The following RELCH variants were observed in gnomAD, a reference collection of about 807,000 sequenced individuals.
The protein encoded by RELCH is RAB11 binding and LisH domain, coiled-coil and HEAT repeat containing.
RELCH carries 41 observed loss-of-function variants against 150.3 expected under a neutral mutation model. That is an observed-to-expected ratio of 0.27 (90% CI 0.21 to 0.35). The LOEUF (loss-of-function observed/expected upper bound fraction) is 0.35. Ranked by LOEUF, RELCH falls within the 10% of genes least tolerant of loss-of-function variation. RELCH has a pLI of 1.00. For missense variants in RELCH, 1,092 were observed against 1,467.8 expected, an observed-to-expected ratio of 0.74 and a Z score of 4.18; for synonymous variants, 478 against 531.8, an observed-to-expected ratio of 0.90 and a Z score of 1.39.
chr18:62,234,084 T>C (rs1407936103), intron 10 of RELCH, among the ~76,000 whole-genome samples: 1 of 152,000 alleles, frequency 6.6e-6, no homozygotes, highest in Non-Finnish European at 1.5e-5. Flanking sequence ...TTGCCATTTA[T>C]AATAAAATGA....
chr18:62,258,533 G>T lies in RELCH; in HGVS notation c.2059G>T (p.Ala687Ser), dbSNP rs753928422. The T allele has an allele frequency of 2.9e-5, 46 of 1,607,014 alleles. No homozygotes were observed. The South Asian group carries it at 4.1e-4, about 14-fold the overall frequency. Residue 687 changes from alanine to serine, a missense_variant, in exon 15 of 29, where the codon GCC (alanine) becomes TCC (serine). This residue lies in a region of RELCH where 707 missense variants were observed against 1,025.4 expected (regional missense o/e 0.69). Coordinates refer to ENST00000644646, the MANE Select transcript of RELCH (RefSeq NM_001346231.2). The part of the protein sequence containing the change: ...YHQGFELLLS[A>S]LGDPSERVVS... ...ACAGGGTTTTGAATTGTTGCTGTCA[G>T]CCTTGGGTGATCCCTCAGAAAGAGT...
At chr18:62,297,118 T>G (rs1276753397) in intron 27 of RELCH, among the ~76,000 whole-genome samples, 3 of 152,224 alleles carry the variant, frequency 2.0e-5, no homozygotes, top group Non-Finnish European at 4.4e-5. Flanking sequence ...GAAGAGAGAC[T>G]GGAGCTTTAC....
In RELCH at chr18:62,271,347, G is replaced by A. The variant is rs188732243; in HGVS notation, c.2760+2399G>A. Among the ~76,000 whole-genome samples, 1,151 of 152,328 alleles carry A rather than the reference G, an allele frequency of 7.6e-3. 5 individuals carry two copies. The highest frequency in any genetic ancestry group is 0.013 in the Non-Finnish European group (866 of 68,030). On this transcript the variant is annotated intron_variant, in intron 20 of 28. Transcript: ENST00000644646. ...TTGCACTTCTCTGATGGCCAGTGAT[G>A]ATGAGCATTTTTCATGTGTCTGTTG... is the stretch of plus-strand genomic sequence containing the variant.
At position 62,260,231 on chromosome 18, in the gene RELCH, CT is replaced by C. The variant is rs1431045906; in HGVS notation, c.2203-1279del. On this transcript the variant is annotated intron_variant, in intron 15 of 28. Transcript: ENST00000644646. ...TCCAATTAAGGAATGGGCAAATGAT[CT>C]GAATAAACACTTCTCAAAAGAAGAC... 2.9e-5 allele frequency among the ~76,000 whole-genome samples: 4 copies of C among 139,688 alleles called. No homozygotes were observed. In the East Asian group the frequency reaches 8.7e-4, roughly 30 times the overall value. The allele number at this position is 139,688 out of a possible 152,430, so 91.6% of individuals were successfully genotyped here. A position where few individuals can be genotyped will look rare whatever the true frequency, so the allele number is the denominator to read the frequency against.
At chr18:62,292,444 C>A (rs941858812) in intron 27 of RELCH, among the ~76,000 whole-genome samples, 1 of 152,116 alleles carries the variant, frequency 6.6e-6, no homozygotes, top group Non-Finnish European at 1.5e-5. Flanking sequence ...CTCACCTTTT[C>A]ATTCATTAGA....
At position 62,191,422 on chromosome 18, in the gene RELCH, C is replaced by T. The variant is rs145554585; in HGVS notation, c.526+3391C>T. On this transcript the variant is annotated intron_variant, in intron 1 of 28. Transcript: ENST00000644646. ...GAAATGCCTATTCAATCTTTTGCAC[C>T]GTTTTTTTCACCTTCAACTTCCAGG... Among the ~76,000 whole-genome samples the T allele has an allele frequency of 2.3e-3, 345 of 152,150 alleles. 4 individuals carry two copies. Among genetic ancestry groups the T allele is most frequent in the African/African-American group, 7.9e-3 (329 of 41,510 alleles).
chr18:62,280,487 T>C (rs748612411), intron 23 of RELCH, 159 bp from the exon 24 acceptor site: 5 of 1,546,672 alleles, frequency 3.2e-6, no homozygotes, highest in Non-Finnish European at 4.5e-6. Flanking sequence ...GTCTGTCTTT[T>C]TGAGCATTCT....
At chr18:62,287,957 G>C (rs1035158073) in intron 26 of RELCH, among the ~76,000 whole-genome samples, 3 of 152,202 alleles carry the variant, frequency 2.0e-5, no homozygotes, top group Admixed American at 2.0e-4. Flanking sequence ...TTGTAGAACT[G>C]GGAGAAAACT....
chr18:62,281,836 G>T (rs1373619253), intron 24 of RELCH, among the ~76,000 whole-genome samples: 1 of 152,098 alleles, frequency 6.6e-6, no homozygotes, highest in Non-Finnish European at 1.5e-5. Flanking sequence ...TGCAAAGCTT[G>T]CAGTCTTGGC....
chr18:62,304,087 G>C (rs980187461), intron 28 of RELCH, among the ~76,000 whole-genome samples: 1 of 152,156 alleles, frequency 6.6e-6, no homozygotes, highest in Non-Finnish European at 1.5e-5. Flanking sequence ...CAAAAAGAGG[G>C]GGGAGTTAAA....
At chr18:62,254,393 A>G (rs1488761407) in intron 12 of RELCH, among the ~76,000 whole-genome samples, 1 of 151,972 alleles carries the variant, frequency 6.6e-6, no homozygotes, top group Non-Finnish European at 1.5e-5. Flanking sequence ...TTTTATTTTT[A>G]GTTTGTTCAT....
chr18:62,300,526 A>G (rs1323133376), intron 28 of RELCH: 3 of 152,230 alleles, frequency 2.0e-5, no homozygotes, highest in Admixed American at 2.0e-4. Context: ...GCAGATAAAG[A>G]TATCTGTATC....
intron 11 of RELCH, among the ~76,000 whole-genome samples, chr18:62,252,411 C>T (rs2042763867): frequency 6.6e-6 from 1 of 152,032 alleles, no homozygotes; most frequent in South Asian, 2.1e-4. Context: ...CCCAGCTACT[C>T]GAGAGGATGA....
At chr18:62,231,090 A>G (rs775001485) in intron 8 of RELCH, 104 bp from the exon 9 acceptor site, 150 of 731,510 alleles carry the variant, frequency 2.1e-4, no homozygotes, top group Middle Eastern at 7.8e-4. Flanking sequence ...TTTGTGGGGT[A>G]GGATTAATGC....
chr18:62,236,111 T>C (rs1599972650), intron 10 of RELCH, among the ~76,000 whole-genome samples: 2 of 151,996 alleles, frequency 1.3e-5, no homozygotes, highest in African/African-American at 4.8e-5. Context: ...CCCTTTGTCA[T>C]ATTAAAGAAG....
chr18:62,237,556 A>T (rs2041938829), intron 10 of RELCH, among the ~76,000 whole-genome samples: 1 of 151,810 alleles, frequency 6.6e-6, no homozygotes, highest in Non-Finnish European at 1.5e-5. Flanking sequence ...TACTTTTTAT[A>T]TCATGATATA....
At position 62,227,383 on chromosome 18, in the gene RELCH, G is replaced by A. The variant is rs199993973; in HGVS notation, c.953G>A (p.Gly318Glu). ...GATTTTGGAAATCATCAAGTAACTG[G>A]AAAAGATCTTGTAGATGTGGCCAGT... ...YRDFGNHQVT[G>E]KDLVDVASGV... Residue 318 changes from glycine to glutamate, a missense_variant, in exon 6 of 29, where the codon GGA becomes GAA. Physicochemically the swap from Gly to Glu is moderately conservative, Grantham distance 98 (BLOSUM62 -2). This residue lies in a region of RELCH where 57 missense variants were observed against 41.5 expected (regional missense o/e 1.37). Transcript: ENST00000644646. The A allele has an allele frequency of 1.1e-5, 17 of 1,612,816 alleles. 1 individual carries two copies. In the East Asian group the frequency reaches 3.8e-4, roughly 36 times the overall value.
intron 11 of RELCH, chr18:62,246,586 G>A (rs1457701747): frequency 6.6e-6 from 1 of 152,190 alleles, no homozygotes. Context: ...TGAAGGGCCT[G>A]AGAAAATTTT....
At chr18:62,195,389 A>G (rs781206126) in intron 1 of RELCH, among the ~76,000 whole-genome samples, 2 of 151,966 alleles carry the variant, frequency 1.3e-5, no homozygotes, top group Non-Finnish European at 2.9e-5. Flanking sequence ...TTGCAAGATA[A>G]AAATTGTGGT....
Sources: gnomAD v4.1 joint callset for allele counts (sites outside exome capture counted in the v4.1 genomes callset) on GRCh38, gnomAD v4.1.1 for gene constraint, gnomAD v4.1.1 regional missense constraint, MANE v1.5 for transcripts, NCBI Gene and HGNC (gene_info 2026-07-23, HGNC 2026-07-21) for gene names.